The following ADGRB3 variants were observed in gnomAD, a reference collection of about 807,000 sequenced individuals.
ADGRB3 encodes the protein adhesion G protein-coupled receptor B3, also known as brain-specific angiogenesis inhibitor 3.
In ADGRB3, 37 loss-of-function variants were observed where a neutral mutation model predicts 193.4. The ratio of observed to expected loss-of-function variants is 0.19; its 90% confidence interval spans 0.15 to 0.25. ADGRB3 has a LOEUF of 0.25. Among genes scored for constraint, ADGRB3 ranks in the 10% least tolerant of loss-of-function variants. The probability of loss-of-function intolerance (pLI) is 1.00; values close to 1 mark genes in which losing one functional copy is unlikely to be tolerated. For missense variants in ADGRB3, 1,637 were observed against 1,852.9 expected, an observed-to-expected ratio of 0.88 and a Z score of 2.14; for synonymous variants, 690 against 644.2, an observed-to-expected ratio of 1.07 and a Z score of -1.08.
chr6:68,731,931 A>G (rs1765783692), intron 3 of ADGRB3, among the ~76,000 whole-genome samples: 1 of 151,696 alleles, frequency 6.6e-6, no homozygotes, highest in Non-Finnish European at 1.5e-5. Context: ...ATATATACAT[A>G]TGTCTTAAGG....
chr6:68,645,214 A>C (rs1306119597), intron 3 of ADGRB3, among the ~76,000 whole-genome samples: 1 of 152,134 alleles, frequency 6.6e-6, no homozygotes, highest in African/African-American at 2.4e-5. Context: ...TCATGAACCA[A>C]AGAGAGCTGA....
At chr6:69,141,657 A>G (rs970683721) in intron 17 of ADGRB3, among the ~76,000 whole-genome samples, 1 of 152,122 alleles carries the variant, frequency 6.6e-6, no homozygotes, top group Non-Finnish European at 1.5e-5. Context: ...AGTGGGAAGC[A>G]GGCAGTCCAT....
chr6:69,191,397 T>C (rs1002513173), intron 17 of ADGRB3, among the ~76,000 whole-genome samples: 1 of 152,148 alleles, frequency 6.6e-6, no homozygotes, highest in Non-Finnish European at 1.5e-5. Flanking sequence ...ACCAATACAG[T>C]AGTTTCATTG....
chr6:69,020,229 A>G (rs1031543218), intron 13 of ADGRB3, among the ~76,000 whole-genome samples: 4 of 152,136 alleles, frequency 2.6e-5, no homozygotes, highest in Non-Finnish European at 4.4e-5. Flanking sequence ...TCAGATCAAT[A>G]CATGGCATTT....
At chr6:68,863,335 A>G (rs1454366497) in intron 3 of ADGRB3, among the ~76,000 whole-genome samples, 1 of 152,090 alleles carries the variant, frequency 6.6e-6, no homozygotes, top group Non-Finnish European at 1.5e-5. Flanking sequence ...AGTAATATGG[A>G]CCATAGTGTT....
At chr6:69,165,756 A>G (rs1775115446) in intron 17 of ADGRB3, among the ~76,000 whole-genome samples, 1 of 152,082 alleles carries the variant, frequency 6.6e-6, no homozygotes, top group Admixed American at 6.6e-5. Context: ...AATGGTTAGT[A>G]TTTAATGAGA....
intron 26 of ADGRB3, among the ~76,000 whole-genome samples, chr6:69,346,971 A>G (rs1417737382): frequency 4.6e-5 from 7 of 152,190 alleles, no homozygotes; most frequent in Admixed American, 3.3e-4. Flanking sequence ...ATGCCCATCA[A>G]TGATAGAATG....
At chr6:69,035,052 G>A (rs1373739848) in intron 13 of ADGRB3, among the ~76,000 whole-genome samples, 1 of 152,004 alleles carries the variant, frequency 6.6e-6, no homozygotes, top group East Asian at 1.9e-4. Flanking sequence ...AATTTTATTA[G>A]TCATCATCCT....
chr6:69,253,338 A>G lies in ADGRB3; in HGVS notation c.2814+14112A>G, dbSNP rs142324430. ...GTTTTAGAATCAACTTTTCAATTTTATACAAAAAAGTGTGTTGCAATTTTC... is the reference window on the plus strand; with the variant it reads ...GTTTTAGAATCAACTTTTCAATTTTGTACAAAAAAGTGTGTTGCAATTTTC... On this transcript the variant is annotated intron_variant, in intron 20 of 31. Transcript: ENST00000370598. Among the ~76,000 whole-genome samples the G allele has an allele frequency of 2.6e-5, 4 of 152,178 alleles. No individual in the cohort carries two copies. The East Asian group carries it at 7.7e-4, about 29-fold the overall frequency.
chr6:68,815,765 A>G (rs1233367538), intron 3 of ADGRB3, among the ~76,000 whole-genome samples: 1 of 152,166 alleles, frequency 6.6e-6, no homozygotes, highest in East Asian at 1.9e-4. Flanking sequence ...AAATAAATTT[A>G]TATTAAAGAT....
At chr6:69,005,978 G>A (rs1446881684) in intron 11 of ADGRB3, among the ~76,000 whole-genome samples, 1 of 152,054 alleles carries the variant, frequency 6.6e-6, no homozygotes, top group African/African-American at 2.4e-5. Flanking sequence ...GTGCTGCTTG[G>A]ATAAACATTC....
At chr6:68,704,283 G>C (rs1765289954) in intron 3 of ADGRB3, among the ~76,000 whole-genome samples, 1 of 152,072 alleles carries the variant, frequency 6.6e-6, no homozygotes, top group South Asian at 2.1e-4. Context: ...GTTTTGCTCT[G>C]CTTTTAGATT....
chr6:69,302,132 G>A (rs1767960678), intron 20 of ADGRB3, among the ~76,000 whole-genome samples: 1 of 151,922 alleles, frequency 6.6e-6, no homozygotes, highest in Admixed American at 6.6e-5. Context: ...GGTTTTTAAT[G>A]TAGATGAAAG....
chr6:68,962,328 T>A (rs565753100), intron 8 of ADGRB3, among the ~76,000 whole-genome samples: 1 of 152,148 alleles, frequency 6.6e-6, no homozygotes, highest in Non-Finnish European at 1.5e-5. Flanking sequence ...ATGGGCAGAC[T>A]TGGGGAAGAA....
chr6:68,704,888 C>A (rs183566814), intron 3 of ADGRB3, among the ~76,000 whole-genome samples: 3 of 152,130 alleles, frequency 2.0e-5, no homozygotes, highest in Non-Finnish European at 4.4e-5. Flanking sequence ...AGCTATATCA[C>A]AAACAATATT....
At chr6:68,883,860 G>T (rs1037424470) in intron 3 of ADGRB3, among the ~76,000 whole-genome samples, 1 of 152,126 alleles carries the variant, frequency 6.6e-6, no homozygotes, top group African/African-American at 2.4e-5. Context: ...AAATACTGAG[G>T]CAAGATAGTT....
intron 11 of ADGRB3, among the ~76,000 whole-genome samples, chr6:69,007,485 T>C (rs1258063618): frequency 6.6e-6 from 1 of 152,044 alleles, no homozygotes; most frequent in Non-Finnish European, 1.5e-5. Context: ...GTTATCTTTC[T>C]TTCTGTTTCT....
intron 8 of ADGRB3, among the ~76,000 whole-genome samples, chr6:68,961,558 A>T (rs1230573727): frequency 1.3e-5 from 2 of 152,164 alleles, no homozygotes; most frequent in East Asian, 1.9e-4. Context: ...TGAACTAATC[A>T]CTACTGATAC....
intron 11 of ADGRB3, among the ~76,000 whole-genome samples, chr6:69,001,067 G>C (rs1769562834): frequency 6.6e-6 from 1 of 152,148 alleles, no homozygotes; most frequent in African/African-American, 2.4e-5. Flanking sequence ...CTTGAATGAG[G>C]CTATACTGGA....
Sources: allele counts gnomAD v4.1 joint callset (sites outside exome capture counted in the v4.1 genomes callset), GRCh38; gene constraint gnomAD v4.1.1; transcripts MANE v1.5; gene names NCBI Gene and HGNC (gene_info 2026-07-23, HGNC 2026-07-21).